The following GSE1 variants were observed in gnomAD, a reference collection of about 807,000 sequenced individuals.
GSE1 encodes the protein genetic suppressor element 1.
GSE1 carries 32 observed loss-of-function variants against 112.6 expected under a neutral mutation model. The ratio of observed to expected loss-of-function variants is 0.28; its 90% CI spans 0.21 to 0.38. GSE1 has a LOEUF of 0.38. Ranked by LOEUF, GSE1 falls within the 10% of genes least tolerant of loss-of-function variation. The probability of loss-of-function intolerance (pLI) is 1.00; values close to 1 mark genes in which losing one functional copy is unlikely to be tolerated. For synonymous variants in GSE1, 1,115 were observed against 735.6 expected, an observed-to-expected ratio of 1.52 and a Z score of -8.35; for missense variants, 2,348 against 1,699.2, an observed-to-expected ratio of 1.38 and a Z score of -6.71.
chr16:85,524,116 C>T (rs528542638), intron 2 of GSE1, among the ~76,000 whole-genome samples: 1 of 152,236 alleles, frequency 6.6e-6, no homozygotes, highest in African/African-American at 2.4e-5. Context: ...GTCTGGGGGC[C>T]GGTGGGGTGC....
chr16:85,239,656 C>A (rs901060704), intron 1 of GSE1, among the ~76,000 whole-genome samples: 1 of 152,214 alleles, frequency 6.6e-6, no homozygotes, highest in South Asian at 2.1e-4. Context: ...GCGGGCCCCA[C>A]GGCTCCCAGC....
chr16:85,290,640 T>C (rs1414684774), intron 1 of GSE1, among the ~76,000 whole-genome samples: 1 of 152,128 alleles, frequency 6.6e-6, no homozygotes, highest in Non-Finnish European at 1.5e-5. Context: ...AGCACCTTTT[T>C]CCAACATACA....
At chr16:85,316,675 T>G (rs1230000795) in intron 1 of GSE1, among the ~76,000 whole-genome samples, 1 of 152,200 alleles carries the variant, frequency 6.6e-6, no homozygotes, top group Non-Finnish European at 1.5e-5. Context: ...CACTGGGGGC[T>G]GCACATCAGC....
At chr16:85,645,916 G>A (rs1015949934) in intron 2 of GSE1, among the ~76,000 whole-genome samples, 1 of 140,056 alleles carries the variant, frequency 7.1e-6, no homozygotes, top group African/African-American at 2.7e-5. Context: ...TGCTTTCTAT[G>A]CATGCATTCT....
chr16:85,397,242 G>A (rs2047987990), intron 2 of GSE1, among the ~76,000 whole-genome samples: 1 of 152,216 alleles, frequency 6.6e-6, no homozygotes, highest in Non-Finnish European at 1.5e-5. Flanking sequence ...TTTGCATTGG[G>A]GGAAGCAGAT....
chr16:85,434,830 G>A (rs886379810), intron 2 of GSE1, among the ~76,000 whole-genome samples: 3 of 152,186 alleles, frequency 2.0e-5, no homozygotes, highest in African/African-American at 7.2e-5. Flanking sequence ...ATAAAAGGAA[G>A]TATCAGAGCC....
At chr16:85,313,918 CTGTGTGTGTGTGTGTGTG>C (rs10676246) in intron 1 of GSE1, among the ~76,000 whole-genome samples, 2 of 149,292 alleles carry the variant, frequency 1.3e-5, no homozygotes, top group Non-Finnish European at 3.0e-5. Context: ...GTCTGAGCCT[CTGTGTGTGTGTGTGTGTG>C]TGTGTGTGTG....
intron 2 of GSE1, among the ~76,000 whole-genome samples, chr16:85,396,903 G>A (rs189141445): frequency 5.2e-4 from 79 of 152,336 alleles, no homozygotes; most frequent in African/African-American, 1.8e-3. Flanking sequence ...GAGCAACAAA[G>A]AGACAGCGTG....
At chr16:85,518,062 CT>C (rs1435102001) in intron 2 of GSE1, among the ~76,000 whole-genome samples, 6 of 152,248 alleles carry the variant, frequency 3.9e-5, no homozygotes, top group Admixed American at 2.0e-4. Flanking sequence ...CCGAGATGCC[CT>C]GACAGGCGCG....
intron 1 of GSE1, among the ~76,000 whole-genome samples, chr16:85,566,812 AAG>A (rs555028229): frequency 1.3e-5 from 2 of 152,314 alleles, no homozygotes; most frequent in African/African-American, 4.8e-5. Context: ...TGACAAGAGA[AAG>A]GGGGGCCGGC....
Position 85,665,044 on chromosome 16 carries a change from G to A in GSE1, c.2674G>A (p.Ala892Thr), listed in dbSNP as rs764096604. 1.9e-6 allele frequency: 3 copies of A among 1,611,422 alleles called. No individual in the cohort carries two copies. The highest frequency in any genetic ancestry group is 2.2e-5 in the East Asian group (1 of 44,868). ...DKERLVEMLR[A>T]MKQKALSAAV... ...AGAGAGACTTGTTGAAATGCTCCGT[G>A]CCATGAAGCAGAAGGCACTGTCAGC... is the stretch of plus-strand genomic sequence containing the variant. Residue 892 changes from alanine (A) to threonine (T), a missense_variant, in exon 12 of 16, where the codon GCC becomes ACC. By Grantham distance (58) the Ala-to-Thr change is moderately conservative. Coordinates refer to ENST00000253458, the MANE Select transcript of GSE1 (RefSeq NM_014615.5).
At chr16:85,238,131 A>G (rs1366462055) in intron 1 of GSE1, among the ~76,000 whole-genome samples, 2 of 152,152 alleles carry the variant, frequency 1.3e-5, no homozygotes, top group African/African-American at 4.8e-5. Flanking sequence ...TGGACCCAAC[A>G]CAGGCCTGGG....
intron 1 of GSE1, among the ~76,000 whole-genome samples, chr16:85,289,430 C>T (rs1164594904): frequency 1.2e-4 from 19 of 152,304 alleles, no homozygotes; most frequent in Non-Finnish European, 2.2e-4. Context: ...TTCGTGTCCC[C>T]TAAGTGACAC....
chr16:85,352,646 A>T (rs1186242643), intron 1 of GSE1, among the ~76,000 whole-genome samples: 1 of 152,202 alleles, frequency 6.6e-6, no homozygotes, highest in African/African-American at 2.4e-5. Flanking sequence ...AGGATAAGGA[A>T]GGGGGGCCCT....
chr16:85,594,530 C>T (rs2047140464), intron 1 of GSE1: 1 of 152,262 alleles, frequency 6.6e-6, no homozygotes, highest in South Asian at 2.1e-4. Context: ...CTCGCTCCCT[C>T]ACGCATACAC....
intron 14 of GSE1, 43 bp downstream of exon 14, chr16:85,668,467 T>G: frequency 3.0e-6 from 4 of 1,330,270 alleles, no homozygotes; most frequent in Non-Finnish European, 4.2e-6. Flanking sequence ...GTCAGGAAAG[T>G]ACCTTTGGAA....
chr16:85,169,636 G>C, exon 1 of GSE1: 3 of 983,706 alleles, frequency 3.0e-6, no homozygotes, highest in South Asian at 4.7e-5. Flanking sequence ...CGGCGGCATC[G>C]GGCGCGGCAA....
At chr16:85,391,218 G>A (rs1206433194) in intron 2 of GSE1, among the ~76,000 whole-genome samples, 2 of 152,262 alleles carry the variant, frequency 1.3e-5, no homozygotes, top group Non-Finnish European at 2.9e-5. Flanking sequence ...ACAGAGCTGT[G>A]ACATTCCAGG....
Position 85,648,718 on chromosome 16 carries a change from C to A in GSE1, c.393C>A (p.Thr131=). The A allele has an allele frequency of 6.2e-7, 1 of 1,606,832 alleles. No individual in the cohort carries two copies. Among genetic ancestry groups the A allele is most frequent in the Non-Finnish European group, 8.5e-7 (1 of 1,177,260 alleles). The change falls in exon 3 of 16, where the codon ACC becomes ACA. Residue 131 remains threonine, a synonymous_variant. Transcript: ENST00000253458. ...TGGTGACCATCGCTCCAACCAAAAC[C>A]GTGAATGGTGTCTGGAGGAGTGAGA... ...PPVVTIAPTK[T]VNGVWRSESR... is the part of the protein sequence containing the mutation.
Sources: allele counts gnomAD v4.1 joint callset (sites outside exome capture counted in the v4.1 genomes callset), GRCh38; gene constraint gnomAD v4.1.1; transcripts MANE v1.5; gene names NCBI Gene and HGNC (gene_info 2026-07-23, HGNC 2026-07-21).